The following CAPN8 variants were observed in gnomAD, a reference collection of about 807,000 sequenced individuals.
CAPN8 encodes calpain 8, also known as calpain-8.
Under a neutral mutation model 80.9 loss-of-function variants are expected in CAPN8, and 87 were observed. That is an observed-to-expected ratio of 1.07 (90% CI 0.90 to 1.28). CAPN8 has a LOEUF of 1.28. Ranked by LOEUF, CAPN8 falls within the 50% of genes most tolerant of loss-of-function variation. CAPN8 has a pLI of 0.00. For synonymous variants in CAPN8, 299 were observed against 273.8 expected, an observed-to-expected ratio of 1.09 and a Z score of -0.91; for missense variants, 757 against 702.0, an observed-to-expected ratio of 1.08 and a Z score of -0.89.
rs12036952 is a variant in CAPN8, at chr1:223,646,039, C to A, written c.307+8291G>T. The stretch of plus-strand genomic sequence containing the variant: ...AGCACTGTGGGGAAAATAGACTGCA[C>A]TCTGTACAGGGAAGATCCAATCCAC... On this transcript the variant is annotated intron_variant, in intron 2 of 20. Transcript: ENST00000366872. Among the ~76,000 whole-genome samples the A allele has an allele frequency of 6.7e-3, 1,014 of 152,304 alleles. 44 individuals carry two copies. The East Asian group carries it at 0.1, about 15-fold the overall frequency.
chr1:223,644,894 G>A (rs1275566827), intron 2 of CAPN8, among the ~76,000 whole-genome samples: 1 of 152,176 alleles, frequency 6.6e-6, no homozygotes, highest in Non-Finnish European at 1.5e-5. Flanking sequence ...CTCTGTATTA[G>A]TCAGGGTTCT....
At chr1:223,638,342 C>T (rs973406441) in intron 2 of CAPN8, among the ~76,000 whole-genome samples, 3 of 151,734 alleles carry the variant, frequency 2.0e-5, no homozygotes, top group Non-Finnish European at 2.9e-5. Context: ...CCACAGATAC[C>T]GAGGGAAGAC....
At chr1:223,625,093 A>AAAAAATAAAAAAT (rs1401445956) in intron 6 of CAPN8, among the ~76,000 whole-genome samples, 1 of 152,122 alleles carries the variant, frequency 6.6e-6, no homozygotes, top group Non-Finnish European at 1.5e-5. Flanking sequence ...ACTCCGTCTC[A>AAAAAATAAAAAAT]AAAAATAAAA....
intron 1 of CAPN8, among the ~76,000 whole-genome samples, chr1:223,657,087 T>C (rs1471425677): frequency 6.6e-6 from 1 of 152,228 alleles, no homozygotes; most frequent in Non-Finnish European, 1.5e-5. Flanking sequence ...CTCGTTTATT[T>C]TCTTGCCATT....
rs59298471 is a variant in CAPN8, at chr1:223,664,966, TG to T, written c.237+443del. 3.3e-5 allele frequency among the ~76,000 whole-genome samples: 5 copies of T among 150,568 alleles called. No individual in the cohort carries two copies. In the South Asian group the frequency reaches 6.4e-4, roughly 19 times the overall value. The stretch of plus-strand genomic sequence containing the variant: ...AAAAAAATAAGAGTTCAAAAGGTGA[TG>T]GGGGGGCCAGATGCAGTGGCTCATG... On this transcript the variant is annotated intron_variant, in intron 1 of 20. Coordinates refer to ENST00000366872, the MANE Select transcript of CAPN8 (RefSeq NM_001143962.2).
At chr1:223,551,331 C>T (rs1414734910) in intron 14 of CAPN8, among the ~76,000 whole-genome samples, 3 of 152,122 alleles carry the variant, frequency 2.0e-5, no homozygotes, top group East Asian at 1.9e-4. Context: ...TTAGTAGAGA[C>T]GGGGTTTCAC....
chr1:223,626,561 C>T (rs1657584623), intron 5 of CAPN8, among the ~76,000 whole-genome samples: 1 of 152,182 alleles, frequency 6.6e-6, no homozygotes, highest in Non-Finnish European at 1.5e-5. Flanking sequence ...CCAGCCACAG[C>T]CTCTGGTTTC....
chr1:223,612,813 A>C (rs932599913), intron 10 of CAPN8, among the ~76,000 whole-genome samples: 2 of 152,238 alleles, frequency 1.3e-5, no homozygotes, highest in Non-Finnish European at 2.9e-5. Context: ...TAGGGAATGA[A>C]GAAATCTAGA....
intron 20 of CAPN8, 118 bp downstream of exon 20, chr1:223,542,990 C>T: frequency 1.8e-6 from 2 of 1,101,546 alleles, no homozygotes; most frequent in Non-Finnish European, 2.6e-6. Context: ...ACAGAACATG[C>T]ATGGTATTCA....
chr1:223,658,980 A>G (rs1431119983), intron 1 of CAPN8, among the ~76,000 whole-genome samples: 1 of 152,198 alleles, frequency 6.6e-6, no homozygotes, highest in African/African-American at 2.4e-5. Flanking sequence ...TTCTGTGAAG[A>G]GGCAGCCTGC....
Position 223,544,100 on chromosome 1 carries a change from C to T in CAPN8, c.1996G>A (p.Val666Met), listed in dbSNP as rs375363841. 2.0e-4 allele frequency: 142 copies of T among 718,360 alleles called. No homozygotes were observed. The highest frequency in any genetic ancestry group is 1.1e-3 in the Middle Eastern group (5 of 4,374). 44.5% of individuals were successfully genotyped at this position (718,360 alleles called of 1,614,324 possible). A position where few individuals can be genotyped will look rare whatever the true frequency, so the allele number is the denominator to read the frequency against. ...SKLGINFDSF[V>M]ACMIRLETLF... ...GTCTCCAGGCGGATCATACAAGCCACGAAGCTGTCAAAGTTGATGCCAAGC... is the reference window on the plus strand; with the variant it reads ...GTCTCCAGGCGGATCATACAAGCCATGAAGCTGTCAAAGTTGATGCCAAGC... The change falls in exon 19 of 21, where the codon GTG (valine) becomes ATG (methionine). Residue 666 changes from valine (V) to methionine (M), a missense_variant. Transcript: ENST00000366872.
At chr1:223,643,120 C>T (rs1658087843) in intron 2 of CAPN8, among the ~76,000 whole-genome samples, 1 of 152,108 alleles carries the variant, frequency 6.6e-6, no homozygotes, top group African/African-American at 2.4e-5. Context: ...ATGCTAGAAG[C>T]CAGGTGTAAT....
chr1:223,618,071 A>G (rs1450597088), intron 9 of CAPN8: 2 of 667,526 alleles, frequency 3.0e-6, no homozygotes, highest in African/African-American at 3.6e-5. Context: ...GAGCTCTGTC[A>G]TGAGAAGAAA....
At chr1:223,665,242 G>A (rs980858884) in intron 1 of CAPN8, among the ~76,000 whole-genome samples, 168 bp downstream of exon 1, 4 of 152,156 alleles carry the variant, frequency 2.6e-5, no homozygotes, top group African/African-American at 7.2e-5. Flanking sequence ...GACAGAGCAA[G>A]ACTCCATCTC....
chr1:223,636,899 A>T (rs56183786), intron 2 of CAPN8, among the ~76,000 whole-genome samples: 29,825 of 151,236 alleles, frequency 0.2, 2,842 homozygotes, highest in Admixed American at 0.24. Flanking sequence ...GTCTATCACT[A>T]GTAAAGCTTT....
intron 2 of CAPN8, 125 bp downstream of exon 2, chr1:223,654,205 C>A: frequency 1.3e-6 from 1 of 789,710 alleles, no homozygotes; most frequent in Non-Finnish European, 2.0e-6. Context: ...GAAACACAAA[C>A]CCAGACGGAC....
At chr1:223,613,944 T>C (rs367935344) in intron 10 of CAPN8, among the ~76,000 whole-genome samples, 4 of 152,222 alleles carry the variant, frequency 2.6e-5, no homozygotes, top group Non-Finnish European at 5.9e-5. Context: ...TGGCCAGATA[T>C]AGAAGGACCA....
At chr1:223,659,239 A>G (rs1658575885) in intron 1 of CAPN8, among the ~76,000 whole-genome samples, 1 of 152,186 alleles carries the variant, frequency 6.6e-6, no homozygotes, top group South Asian at 2.1e-4. Context: ...CTGCTCTCCT[A>G]GAGCGTTAAC....
At chr1:223,554,402 G>A (rs1215038720) in intron 13 of CAPN8, among the ~76,000 whole-genome samples, 17 of 152,144 alleles carry the variant, frequency 1.1e-4, no homozygotes, top group South Asian at 4.2e-4. Flanking sequence ...GGCAGGTCAC[G>A]TAAGCCCAGG....
Sources: gnomAD v4.1 joint callset for allele counts (sites outside exome capture counted in the v4.1 genomes callset) on GRCh38, gnomAD v4.1.1 for gene constraint, MANE v1.5 for transcripts, NCBI Gene and HGNC (gene_info 2026-07-23, HGNC 2026-07-21) for gene names.